IL1RL1: variants seen among roughly 807,000 people sequenced by gnomAD.
IL1RL1 encodes interleukin-1 receptor-like 1.
Under a neutral mutation model 50.9 loss-of-function variants are expected in IL1RL1, and 32 were observed. The observed-to-expected ratio is 0.63, with a 90% CI of 0.47 to 0.84. The LOEUF is 0.84. Ranked by LOEUF, IL1RL1 falls within the 40% of genes least tolerant of loss-of-function variation. The pLI is 0.00. For synonymous variants in IL1RL1, 275 were observed against 236.0 expected, an observed-to-expected ratio of 1.17 and a Z score of -1.51; for missense variants, 773 against 662.9, an observed-to-expected ratio of 1.17 and a Z score of -1.82.
chr2:102,339,095 T>C, intron 3 of IL1RL1, 48 bp downstream of exon 3: 1 of 1,371,020 alleles, frequency 7.3e-7, no homozygotes, highest in Non-Finnish European at 1.0e-6. Flanking sequence ...TCCCCTTTCT[T>C]CAGTGGTTGA....
In IL1RL1 at chr2:102,351,996, C is replaced by G; in HGVS notation, c.*75C>G. Reference sequence around the variant, plus strand: ...CTCCTAGCTGGCTTATGCCCCTGCACTGAAGTGTGAGGAGCAGGAATATTA... The same window carrying G: ...CTCCTAGCTGGCTTATGCCCCTGCAGTGAAGTGTGAGGAGCAGGAATATTA... On this transcript the variant is annotated 3_prime_UTR_variant, in exon 11 of 11. Transcript: ENST00000233954. 1 of 1,382,948 alleles carries G rather than the reference C, an allele frequency of 7.2e-7. No homozygotes were observed. The highest frequency in any genetic ancestry group is 1.4e-5 in the South Asian group (1 of 73,396). The allele number at this position is 1,382,948 out of a possible 1,614,324, so 85.7% of individuals were successfully genotyped here. A position where few individuals can be genotyped will look rare whatever the true frequency, so the allele number is the denominator to read the frequency against.
At chr2:102,321,019 C>T (rs1676821217) in intron 1 of IL1RL1, among the ~76,000 whole-genome samples, 1 of 152,252 alleles carries the variant, frequency 6.6e-6, no homozygotes, top group Non-Finnish European at 1.5e-5. Flanking sequence ...TCTCACTGCT[C>T]TGGAGTTCCT....
intron 1 of IL1RL1, among the ~76,000 whole-genome samples, chr2:102,336,829 C>T (rs1457415421): frequency 4.6e-5 from 7 of 152,150 alleles, no homozygotes; most frequent in African/African-American, 1.2e-4. Context: ...CTGCTTACTT[C>T]GCATTTCCTC....
intron 1 of IL1RL1, among the ~76,000 whole-genome samples, chr2:102,335,360 T>C (rs1677287638): frequency 1.4e-5 from 2 of 148,044 alleles, no homozygotes; most frequent in African/African-American, 5.0e-5. Context: ...GTATAGAGAA[T>C]GTTCTCTTTT....
rs367674419 is a variant in IL1RL1 at position 102,340,253 on chromosome 2, C to T, written c.428C>T (p.Ala143Val). 49 of 1,597,556 alleles carry T rather than the reference C, an allele frequency of 3.1e-5. No individual in the cohort carries two copies. Among genetic ancestry groups the T allele is most frequent in the Admixed American group, 3.7e-5 (2 of 53,706 alleles). ...CPTIDLYNWT[A>V]PLEWFKNCQA... ...ACCATTGACCTCTACAACTGGACAG[C>T]ACCTCTTGAGTGGTTTAAGGTAAGA... The change falls in exon 4 of 11, where the codon GCA becomes GTA. Residue 143 changes from alanine to valine, a missense_variant. Transcript: ENST00000233954.
chr2:102,322,758 C>T (rs1282056467), intron 1 of IL1RL1, among the ~76,000 whole-genome samples: 1 of 152,208 alleles, frequency 6.6e-6, no homozygotes. Context: ...ACCATCCCAA[C>T]AGCACAGAAA....
chr2:102,334,234 T>C (rs977977470), intron 1 of IL1RL1, among the ~76,000 whole-genome samples: 1 of 152,230 alleles, frequency 6.6e-6, no homozygotes, highest in African/African-American at 2.4e-5. Flanking sequence ...TCCATATCCA[T>C]GCCAACATCT....
chr2:102,347,894 A>G, intron 8 of IL1RL1, 51 bp from the exon 9 acceptor site: 1 of 1,099,688 alleles, frequency 9.1e-7, no homozygotes, highest in South Asian at 1.4e-5. Flanking sequence ...GTATCAGTTT[A>G]TTATATCTTG....
At chr2:102,345,233 C>T in intron 8 of IL1RL1, 1 of 985,320 alleles carries the variant, frequency 1.0e-6, no homozygotes, top group Non-Finnish European at 1.2e-6. Context: ...GATCCTTCTC[C>T]CCACTCCCTT....
At chr2:102,322,575 C>T (rs1448784090) in intron 1 of IL1RL1, among the ~76,000 whole-genome samples, 1 of 152,158 alleles carries the variant, frequency 6.6e-6, no homozygotes, top group Non-Finnish European at 1.5e-5. Context: ...TCTGGGTCTC[C>T]CGACTTCAAT....
Position 102,347,501 on chromosome 2 carries a change from A to G in IL1RL1, c.971-444A>G, listed in dbSNP as rs184356722. Among the ~76,000 whole-genome samples, 8 of 152,258 alleles carry G rather than the reference A, an allele frequency of 5.3e-5. No individual in the cohort carries two copies. The East Asian group carries it at 1.5e-3, about 29-fold the overall frequency. On this transcript the variant is annotated intron_variant, in intron 8 of 10. Coordinates refer to ENST00000233954, the MANE Select transcript of IL1RL1 (RefSeq NM_016232.5). ...CTGGGTTATTCCATTTCCTCAGAAA[A>G]CACACTTCCTCTCTGCACTTAGGCT...
At chr2:102,345,420 T>C (rs922896926) in intron 8 of IL1RL1, 6 of 984,916 alleles carry the variant, frequency 6.1e-6, no homozygotes, top group African/African-American at 1.7e-5. Context: ...ATTTTTACAC[T>C]CATCACTCCT....
intron 1 of IL1RL1, among the ~76,000 whole-genome samples, chr2:102,322,134 G>GGCAGCCA (rs1676854806): frequency 2.0e-5 from 3 of 152,172 alleles, no homozygotes; most frequent in African/African-American, 7.2e-5. Flanking sequence ...GATAAGAGTT[G>GGCAGCCA]GTGTTGTAGT....
At chr2:102,331,212 G>C (rs1313266180) in intron 1 of IL1RL1, among the ~76,000 whole-genome samples, 1 of 152,028 alleles carries the variant, frequency 6.6e-6, no homozygotes, top group Non-Finnish European at 1.5e-5. Flanking sequence ...CCATGTCTTG[G>C]GTATTCCCAG....
At chr2:102,336,261 G>A (rs1398933608) in intron 1 of IL1RL1, among the ~76,000 whole-genome samples, 1 of 152,162 alleles carries the variant, frequency 6.6e-6, no homozygotes, top group East Asian at 1.9e-4. Flanking sequence ...GAAGTGACAT[G>A]GGCAAGTTGC....
chr2:102,346,180 C>T (rs983303445), intron 8 of IL1RL1: 6 of 357,784 alleles, frequency 1.7e-5, no homozygotes, highest in Non-Finnish European at 2.3e-5. Context: ...ACTTGAAAGG[C>T]CTATGTCTCC....
chr2:102,350,146 C>G (rs919415661), intron 10 of IL1RL1, among the ~76,000 whole-genome samples: 1 of 152,228 alleles, frequency 6.6e-6, no homozygotes, highest in East Asian at 1.9e-4. Flanking sequence ...TCTCAAGGCT[C>G]TCTTCTTCCC....
intron 1 of IL1RL1, among the ~76,000 whole-genome samples, chr2:102,321,544 A>G (rs1465127413): frequency 2.6e-5 from 4 of 152,290 alleles, no homozygotes; most frequent in East Asian, 3.9e-4. Flanking sequence ...CATCCTTACC[A>G]CTGATGAGTC....
At chr2:102,325,227 T>G (rs942587230) in intron 1 of IL1RL1, among the ~76,000 whole-genome samples, 3 of 152,218 alleles carry the variant, frequency 2.0e-5, no homozygotes, top group Admixed American at 1.3e-4. Context: ...CTGCTGCTGA[T>G]ACCCAGGCAA....
Sources: gnomAD v4.1 joint callset for allele counts (sites outside exome capture counted in the v4.1 genomes callset) on GRCh38, gnomAD v4.1.1 for gene constraint, MANE v1.5 for transcripts, NCBI Gene and HGNC (gene_info 2026-07-23, HGNC 2026-07-21) for gene names.